Variants in NAALADL2 observed in about 807,000 individuals in gnomAD.
NAALADL2 encodes the protein inactive N-acetylated-alpha-linked acidic dipeptidase-like protein 2.
A neutral mutation model predicts 87.2 loss-of-function variants in NAALADL2; 76 were observed. That is an observed-to-expected ratio of 0.87 (90% CI 0.72 to 1.05). NAALADL2 has a LOEUF of 1.05. Ranked by LOEUF, NAALADL2 falls within the 50% of genes least tolerant of loss-of-function variation. NAALADL2 has a pLI of 0.00. For synonymous variants in NAALADL2, 354 were observed against 331.0 expected, an observed-to-expected ratio of 1.07 and a Z score of -0.75; for missense variants, 1,089 against 945.8, an observed-to-expected ratio of 1.15 and a Z score of -1.99.
intron 9 of NAALADL2, among the ~76,000 whole-genome samples, chr3:175,484,605 AC>A (rs1255130248): frequency 6.6e-6 from 1 of 152,148 alleles, no homozygotes; most frequent in African/African-American, 2.4e-5. Context: ...TTTATAATGT[AC>A]CCAGTAAAAT....
At chr3:175,587,709 C>T (rs111538664) in intron 10 of NAALADL2, among the ~76,000 whole-genome samples, 1,716 of 152,106 alleles carry the variant, frequency 0.011, 31 homozygotes, top group African/African-American at 0.038. Flanking sequence ...GTCCCCAAGC[C>T]CCTCATTAGT....
chr3:174,554,090 T>A (rs1199421538), intron 2 of NAALADL2, among the ~76,000 whole-genome samples: 3 of 152,056 alleles, frequency 2.0e-5, no homozygotes, highest in Non-Finnish European at 4.4e-5. Context: ...CTTTTGTCTT[T>A]GGATAATGCT....
chr3:174,607,095 C>A (rs980471040), intron 2 of NAALADL2, among the ~76,000 whole-genome samples: 4 of 152,094 alleles, frequency 2.6e-5, no homozygotes, highest in South Asian at 2.1e-4. Flanking sequence ...GAAATAAAAT[C>A]CTTTACAGAC....
intron 9 of NAALADL2, among the ~76,000 whole-genome samples, chr3:175,540,723 G>A (rs1419225366): frequency 6.6e-6 from 1 of 152,078 alleles, no homozygotes; most frequent in South Asian, 2.1e-4. Context: ...GTTGATAAAT[G>A]TGATCCAAAA....
chr3:175,179,522 T>A (rs1736165604), intron 2 of NAALADL2, among the ~76,000 whole-genome samples: 1 of 151,998 alleles, frequency 6.6e-6, no homozygotes, highest in Non-Finnish European at 1.5e-5. Flanking sequence ...TGGTGTTTCT[T>A]AGAAATTCAA....
At chr3:174,603,462 T>G (rs534936768) in intron 2 of NAALADL2, among the ~76,000 whole-genome samples, 4 of 152,176 alleles carry the variant, frequency 2.6e-5, no homozygotes, top group Admixed American at 2.6e-4. Context: ...TATCTCTTTT[T>G]TCATCTCTGA....
At chr3:174,712,585 A>G (rs1331933428) in intron 2 of NAALADL2, among the ~76,000 whole-genome samples, 1 of 151,148 alleles carries the variant, frequency 6.6e-6, no homozygotes, top group African/African-American at 2.4e-5. Context: ...ACGGGGTTTC[A>G]CCACTGTAGC....
intron 7 of NAALADL2, among the ~76,000 whole-genome samples, chr3:175,465,739 G>T (rs553009703): frequency 1.3e-5 from 2 of 152,074 alleles, no homozygotes; most frequent in African/African-American, 4.8e-5. Flanking sequence ...CCAAAATACC[G>T]GGATTACAGG....
At chr3:175,222,174 A>G (rs1743487591) in intron 2 of NAALADL2, among the ~76,000 whole-genome samples, 1 of 152,188 alleles carries the variant, frequency 6.6e-6, no homozygotes, top group Non-Finnish European at 1.5e-5. Flanking sequence ...CAAAGAAGTT[A>G]AGATGGTTTT....
At chr3:175,683,308 G>C (rs1026611200) in intron 11 of NAALADL2, among the ~76,000 whole-genome samples, 2 of 151,734 alleles carry the variant, frequency 1.3e-5, no homozygotes, top group African/African-American at 4.8e-5. Context: ...TACTAATTTT[G>C]GTCAAATTTA....
At chr3:174,745,479 A>G (rs1422783063) in intron 3 of NAALADL2, among the ~76,000 whole-genome samples, 1 of 152,182 alleles carries the variant, frequency 6.6e-6, no homozygotes, top group Non-Finnish European at 1.5e-5. Flanking sequence ...CTGGGGCCAG[A>G]TGGATTTACA....
At chr3:174,881,969 T>G (rs1242271615) in intron 1 of NAALADL2, among the ~76,000 whole-genome samples, 1 of 152,304 alleles carries the variant, frequency 6.6e-6, no homozygotes, top group East Asian at 1.9e-4. Context: ...TATTTAATGA[T>G]ATGTATTTAT....
chr3:175,394,275 TAGA>T lies in NAALADL2; in HGVS notation c.1091-52951_1091-52949del, dbSNP rs145870869. 8.7e-3 allele frequency among the ~76,000 whole-genome samples: 1,322 copies of T among 152,272 alleles called. 4 individuals carry two copies. Among genetic ancestry groups the T allele is most frequent in the Admixed American group, 0.012 (190 of 15,290 alleles). On this transcript the variant is annotated intron_variant, in intron 5 of 13. Transcript: ENST00000454872. ...TAATGGGCACAAATATACAGTTAGA[TAGA>T]AGGAGTAAGTTTTAACCCTTGGTAG...
intron 11 of NAALADL2, among the ~76,000 whole-genome samples, chr3:175,672,487 G>A (rs1228114027): frequency 6.6e-6 from 1 of 152,112 alleles, no homozygotes; most frequent in African/African-American, 2.4e-5. Flanking sequence ...AAGGGAATAG[G>A]ATGTTTGTTT....
At chr3:175,740,933 G>A (rs1400363480) in intron 12 of NAALADL2, among the ~76,000 whole-genome samples, 1 of 152,114 alleles carries the variant, frequency 6.6e-6, no homozygotes, top group Non-Finnish European at 1.5e-5. Flanking sequence ...CAGTGGTATA[G>A]GTGATAAAAA....
intron 1 of NAALADL2, among the ~76,000 whole-genome samples, chr3:174,957,255 T>A (rs1741283814): frequency 6.6e-6 from 1 of 151,908 alleles, no homozygotes; most frequent in Non-Finnish European, 1.5e-5. Context: ...ATTCTTTTTC[T>A]CACCTCCCTA....
chr3:175,651,038 C>T (rs911005720), intron 11 of NAALADL2, among the ~76,000 whole-genome samples: 20 of 152,120 alleles, frequency 1.3e-4, no homozygotes, highest in African/African-American at 4.8e-4. Context: ...ATTAGTATAA[C>T]TTGTTATTAC....
intron 9 of NAALADL2, among the ~76,000 whole-genome samples, chr3:175,490,511 C>T (rs566579262): frequency 1.3e-5 from 2 of 151,178 alleles, no homozygotes; most frequent in Admixed American, 1.3e-4. Flanking sequence ...CTCAGCCTCC[C>T]GAGTAGCTGG....
intron 1 of NAALADL2, among the ~76,000 whole-genome samples, chr3:175,010,071 G>T (rs1248174767): frequency 6.6e-6 from 1 of 151,598 alleles, no homozygotes; most frequent in African/African-American, 2.4e-5. Context: ...GATTCAAATT[G>T]GTGTGTTTAT....
Sources: allele counts gnomAD v4.1 joint callset (sites outside exome capture counted in the v4.1 genomes callset), GRCh38; gene constraint gnomAD v4.1.1; transcripts MANE v1.5; gene names NCBI Gene and HGNC (gene_info 2026-07-23, HGNC 2026-07-21).